Variants in TEX36 observed in about 807,000 individuals in gnomAD.
TEX36 encodes the protein testis expressed 36, also known as testis-expressed protein 36.
A neutral mutation model predicts 13.6 loss-of-function variants in TEX36; 12 were observed. That is an observed-to-expected ratio of 0.88 (90% CI 0.56 to 1.43). The LOEUF is 1.43. TEX36 is among the 40% of genes most tolerant of loss of function. The probability of loss-of-function intolerance (pLI) is 0.00; values close to 1 mark genes in which losing one functional copy is unlikely to be tolerated. For missense variants in TEX36, 224 were observed against 228.3 expected, an observed-to-expected ratio of 0.98 and a Z score of 0.12; for synonymous variants, 93 against 83.0, an observed-to-expected ratio of 1.12 and a Z score of -0.65.
In TEX36 at chr10:125,672,501, G is replaced by T. The variant is rs576377631; in HGVS notation, c.51+10438C>A. The stretch of plus-strand genomic sequence containing the variant: ...TGCACTGTGGTCTGAGAGACAGTTT[G>T]TTATTATTTCACTTCTTTTGCATTT... On this transcript the variant is annotated intron_variant, in intron 1 of 3. Transcript: ENST00000368821. Among the ~76,000 whole-genome samples the T allele has an allele frequency of 6.6e-5, 10 of 152,304 alleles. No individual in the cohort carries two copies. In the East Asian group the frequency reaches 1.9e-3, roughly 29 times the overall value.
intron 1 of TEX36, among the ~76,000 whole-genome samples, chr10:125,677,890 C>T (rs1847335106): frequency 1.3e-5 from 2 of 152,186 alleles, no homozygotes; most frequent in Non-Finnish European, 2.9e-5. Flanking sequence ...CCATGTTGGC[C>T]AGGCTGGTCT....
intron 1 of TEX36, among the ~76,000 whole-genome samples, chr10:125,666,134 C>G (rs540647393): frequency 1.4e-4 from 21 of 152,042 alleles, no homozygotes; most frequent in Non-Finnish European, 2.5e-4. Context: ...AATATCATGT[C>G]CTCAGCAAAA....
At chr10:125,645,740 A>G (rs1846759536) in intron 3 of TEX36, among the ~76,000 whole-genome samples, 1 of 152,174 alleles carries the variant, frequency 6.6e-6, no homozygotes, top group Admixed American at 6.5e-5. Flanking sequence ...GTGGGTAAAA[A>G]ATAGGCAGAA....
intron 3 of TEX36, among the ~76,000 whole-genome samples, chr10:125,633,888 T>C (rs760575920): frequency 1.3e-5 from 2 of 152,194 alleles, no homozygotes; most frequent in Non-Finnish European, 2.9e-5. Context: ...AACAAAGGCA[T>C]GCCGATGAGT....
downstream of TEX36, among the ~76,000 whole-genome samples, chr10:125,652,243 ATAC>A (rs1395351317): frequency 5.9e-5 from 9 of 152,336 alleles, no homozygotes; most frequent in South Asian, 4.1e-4. Flanking sequence ...ACTTTGAACT[ATAC>A]TACAAGTAAC....
chr10:125,624,558 C>G (rs145833069), intron 3 of TEX36, among the ~76,000 whole-genome samples: 300 of 152,112 alleles, frequency 2.0e-3, no homozygotes, highest in Non-Finnish European at 3.6e-3. Flanking sequence ...AGGTGCCATA[C>G]AGCCCCAGAG....
downstream of TEX36, among the ~76,000 whole-genome samples, chr10:125,651,493 A>C (rs1846858274): frequency 6.6e-6 from 1 of 152,226 alleles, no homozygotes; most frequent in Non-Finnish European, 1.5e-5. Flanking sequence ...GATGGGACGT[A>C]TCTCAAAATA....
intron 1 of TEX36, among the ~76,000 whole-genome samples, chr10:125,665,266 AT>A (rs1847104776): frequency 2.6e-5 from 4 of 151,846 alleles, no homozygotes; most frequent in Admixed American, 2.6e-4. Flanking sequence ...CCATTTGTCT[AT>A]TTTCATTTTT....
chr10:125,660,180 G>A (rs1030109851), intron 3 of TEX36, among the ~76,000 whole-genome samples: 7 of 152,180 alleles, frequency 4.6e-5, no homozygotes, highest in Non-Finnish European at 7.4e-5. Context: ...CTGGAGTGCA[G>A]TGTTCGTGAT....
chr10:125,655,766 T>G lies in TEX36; in HGVS notation c.*134A>C. ...CAAATTCATTTCACAAGGATTTGAA[T>G]GTTTTTTGACCTTATAAAAATCATA... On this transcript the variant is annotated 3_prime_UTR_variant, in exon 4 of 4. Coordinates refer to ENST00000368821, the MANE Select transcript of TEX36 (RefSeq NM_001128202.3). The G allele has an allele frequency of 7.5e-7, 1 of 1,337,860 alleles. No homozygotes were observed. The highest frequency in any genetic ancestry group is 2.3e-5 in the South Asian group (1 of 43,724). The allele number at this position is 1,337,860 out of a possible 1,614,324, so 82.9% of individuals were successfully genotyped here. A position where few individuals can be genotyped will look rare whatever the true frequency, so the allele number is the denominator to read the frequency against.
At chr10:125,591,291 C>G (rs958108938) in intron 3 of TEX36, among the ~76,000 whole-genome samples, 2 of 152,304 alleles carry the variant, frequency 1.3e-5, no homozygotes, top group African/African-American at 4.8e-5. Context: ...GGACTCTCCT[C>G]TCAACTATCA....
chr10:125,604,411 C>T (rs921309315), intron 3 of TEX36, among the ~76,000 whole-genome samples: 2 of 152,196 alleles, frequency 1.3e-5, no homozygotes, highest in Non-Finnish European at 2.9e-5. Context: ...CACGGTGGCT[C>T]ATGCCTGTAA....
At chr10:125,610,120 C>A (rs764099339) in intron 3 of TEX36, among the ~76,000 whole-genome samples, 2 of 152,190 alleles carry the variant, frequency 1.3e-5, no homozygotes, top group Admixed American at 6.5e-5. Flanking sequence ...ACTGGGGAAC[C>A]CTCAGAGAAT....
At chr10:125,678,796 G>A (rs1847349459) in intron 1 of TEX36, among the ~76,000 whole-genome samples, 1 of 152,104 alleles carries the variant, frequency 6.6e-6, no homozygotes, top group Non-Finnish European at 1.5e-5. Flanking sequence ...GGTGGTAGAT[G>A]GGTTGGGCAA....
At chr10:125,599,321 G>A (rs988046377) in intron 3 of TEX36, among the ~76,000 whole-genome samples, 5 of 152,184 alleles carry the variant, frequency 3.3e-5, no homozygotes, top group African/African-American at 4.8e-5. Flanking sequence ...CTTGGAACCC[G>A]CTGAGGACCA....
chr10:125,624,120 C>A (rs1259811505), intron 3 of TEX36, among the ~76,000 whole-genome samples: 2 of 152,186 alleles, frequency 1.3e-5, no homozygotes, highest in Non-Finnish European at 2.9e-5. Flanking sequence ...TCCCTTCTCC[C>A]AGTTGTGAAT....
Position 125,661,030 on chromosome 10 carries a change from G to A in TEX36, c.255C>T (p.Tyr85=). 1 of 1,551,420 alleles carries A rather than the reference G, an allele frequency of 6.4e-7. No homozygotes were observed. The highest frequency in any genetic ancestry group is 1.2e-5 in the South Asian group (1 of 84,046). Residue 85 remains tyrosine (Y), a synonymous_variant, in exon 3 of 4, where the codon TAC becomes TAT. Coordinates refer to ENST00000368821, the MANE Select transcript of TEX36 (RefSeq NM_001128202.3). Reference sequence around the variant, plus strand: ...GGAAAGAAATACTCACGGAGTCAAGGTAGCATCCAGAGTTCTCCAAGCTGT... The same window carrying A: ...GGAAAGAAATACTCACGGAGTCAAGATAGCATCCAGAGTTCTCCAAGCTGT... ...NRHSLENSGC[Y]LDSGLGRKKI...
chr10:125,674,919 C>T (rs1023683328), intron 1 of TEX36, among the ~76,000 whole-genome samples: 9 of 152,266 alleles, frequency 5.9e-5, no homozygotes, highest in African/African-American at 1.4e-4. Flanking sequence ...CCCTGCTTAA[C>T]GAAGCACTCT....
chr10:125,663,954 T>C (rs1003833772), intron 1 of TEX36, among the ~76,000 whole-genome samples: 14 of 152,204 alleles, frequency 9.2e-5, no homozygotes, highest in Non-Finnish European at 1.9e-4. Context: ...TTATTCATCC[T>C]AACTATATTT....
Sources: allele counts gnomAD v4.1 joint callset (sites outside exome capture counted in the v4.1 genomes callset), GRCh38; gene constraint gnomAD v4.1.1; transcripts MANE v1.5; gene names NCBI Gene and HGNC (gene_info 2026-07-23, HGNC 2026-07-21).